The following ZBTB16 variants were observed in gnomAD, a reference collection of about 807,000 sequenced individuals.
The protein encoded by ZBTB16 is zinc finger and BTB domain-containing protein 16.
In ZBTB16, 8 loss-of-function variants were observed where a neutral mutation model predicts 56.8. The observed-to-expected ratio is 0.14, with a 90% CI of 0.08 to 0.25. ZBTB16 has a LOEUF of 0.25. ZBTB16 is among the 10% of genes least tolerant of loss of function. The pLI, the probability that ZBTB16 is intolerant of heterozygous loss-of-function variation, is 1.00. For missense variants in ZBTB16, 625 were observed against 903.0 expected (o/e 0.69, Z 3.95); for synonymous variants, 363 against 368.5 (o/e 0.98, Z 0.17).
At chr11:114,128,744 C>T (rs1213033913) in intron 2 of ZBTB16, among the ~76,000 whole-genome samples, 3 of 152,042 alleles carry the variant, frequency 2.0e-5, no homozygotes, top group Non-Finnish European at 4.4e-5. Flanking sequence ...CCATTGAAGG[C>T]CTGGGTGGTT....
rs1288560959 is a variant in ZBTB16 at position 114,254,876 on chromosome 11, A to G, written c.*4321A>G. On this transcript the variant is annotated 3_prime_UTR_variant, in exon 7 of 7. Coordinates refer to ENST00000335953, the MANE Select transcript of ZBTB16 (RefSeq NM_006006.6). ...CCAGGAGAGGGGTGCAGGACAAACC[A>G]GAGAGGTTGGGTCAGGGGAAAAGGG... 1.3e-5 allele frequency among the ~76,000 whole-genome samples: 2 copies of G among 152,104 alleles called. No individual in the cohort carries two copies. The highest frequency in any genetic ancestry group is 2.9e-5 in the Non-Finnish European group (2 of 68,014).
intron 2 of ZBTB16, among the ~76,000 whole-genome samples, chr11:114,111,072 A>C (rs1395787744): frequency 6.6e-6 from 1 of 152,186 alleles, no homozygotes; most frequent in East Asian, 1.9e-4. Flanking sequence ...GTCACAAAAC[A>C]TGAGCATGAT....
rs1472236327 is a variant in ZBTB16, at chr11:114,254,702, TC to T, written c.*4152del. On this transcript the variant is annotated 3_prime_UTR_variant, in exon 7 of 7. Transcript: ENST00000335953. ...CCTAGGCCCATCCTGTGGTCATCTT[TC>T]CCCCTCCCATCATACCTCCTCCTTC... 1.3e-5 allele frequency among the ~76,000 whole-genome samples: 2 copies of T among 152,158 alleles called. No individual in the cohort carries two copies. The highest frequency in any genetic ancestry group is 2.9e-5 in the Non-Finnish European group (2 of 68,026).
intron 4 of ZBTB16, among the ~76,000 whole-genome samples, chr11:114,210,193 G>GTGCGCA (rs368565657): frequency 1.6e-5 from 1 of 63,476 alleles, no homozygotes. Flanking sequence ...GTGTGTGTGT[G>GTGCGCA]CGTGCGCGCG....
intron 2 of ZBTB16, among the ~76,000 whole-genome samples, chr11:114,106,503 C>A (rs1390907246): frequency 6.8e-6 from 1 of 146,910 alleles, no homozygotes; most frequent in Non-Finnish European, 1.5e-5. Context: ...CAGAGTCTTG[C>A]TCTGGCACCC....
intron 2 of ZBTB16, among the ~76,000 whole-genome samples, chr11:114,106,052 T>C (rs767115552): frequency 3.3e-5 from 5 of 152,264 alleles, no homozygotes; most frequent in Non-Finnish European, 7.3e-5. Flanking sequence ...TATTGCATAA[T>C]GCTTTTCTAT....
intron 2 of ZBTB16, among the ~76,000 whole-genome samples, chr11:114,084,424 C>T (rs1939887941): frequency 6.6e-6 from 1 of 152,186 alleles, no homozygotes; most frequent in Non-Finnish European, 1.5e-5. Flanking sequence ...CTAGCTGTAA[C>T]TTAAAGCAAC....
intron 4 of ZBTB16, among the ~76,000 whole-genome samples, chr11:114,193,121 C>G (rs1943536403): frequency 6.6e-6 from 1 of 152,118 alleles, no homozygotes; most frequent in Admixed American, 6.5e-5. Flanking sequence ...TGTTTTTTCC[C>G]CAGAGATCTT....
At position 114,248,933 on chromosome 11, in the gene ZBTB16, C is replaced by T. The variant is rs180890602; in HGVS notation, c.1793-1393C>T. ...TCATTACTTCATTATTTGCTGGGGC[C>T]TGTGCGCGGGGGAGTATTGATAGCG... On this transcript the variant is annotated intron_variant, in intron 6 of 6. Transcript: ENST00000335953. Among the ~76,000 whole-genome samples the T allele has an allele frequency of 3.8e-3, 583 of 152,246 alleles. 4 individuals are homozygous for T. The highest frequency in any genetic ancestry group is 5.4e-3 in the Non-Finnish European group (370 of 68,024).
At chr11:114,203,142 G>A (rs1356699747) in intron 4 of ZBTB16, among the ~76,000 whole-genome samples, 2 of 152,112 alleles carry the variant, frequency 1.3e-5, no homozygotes, top group Non-Finnish European at 2.9e-5. Context: ...GTAAAATATT[G>A]ATGCATGTTA....
intron 2 of ZBTB16, among the ~76,000 whole-genome samples, chr11:114,135,336 C>T (rs184933863): frequency 2.2e-4 from 33 of 152,304 alleles, no homozygotes; most frequent in Admixed American, 4.6e-4. Flanking sequence ...TCATCCTAGT[C>T]TCTGTAACCC....
At position 114,060,598 on chromosome 11, in the gene ZBTB16, TC is replaced by T. The variant is rs1938790794; in HGVS notation, c.-91+717del. 9.0e-6 allele frequency: 1 copy of T among 110,564 alleles called. No homozygotes were observed. Among genetic ancestry groups the T allele is most frequent in the African/African-American group, 3.6e-5 (1 of 27,896 alleles). The allele number at this position is 110,564 out of a possible 1,614,324, so 6.8% of individuals were successfully genotyped here. A position where few individuals can be genotyped will look rare whatever the true frequency, so the allele number is the denominator to read the frequency against. On this transcript the variant is annotated intron_variant, in intron 1 of 6. Coordinates refer to ENST00000335953, the MANE Select transcript of ZBTB16 (RefSeq NM_006006.6). The surrounding 1 kb of genome is among the most constrained non-coding windows in gnomAD (Gnocchi z 6.0). ...CGGCCGCTCTCGGTGGGTGCCGGTC[TC>T]TGCACCTGATGCGTTCGGGATGCCT... is the stretch of plus-strand genomic sequence containing the variant.
At chr11:114,185,366 G>A (rs2135056251) in intron 3 of ZBTB16, among the ~76,000 whole-genome samples, 1 of 152,348 alleles carries the variant, frequency 6.6e-6, no homozygotes, top group Admixed American at 6.5e-5. Context: ...TGGAAGAATG[G>A]GACTGAGCAT....
intron 4 of ZBTB16, among the ~76,000 whole-genome samples, chr11:114,224,423 T>C (rs747424421): frequency 6.6e-6 from 1 of 152,224 alleles, no homozygotes; most frequent in Non-Finnish European, 1.5e-5. Context: ...TTTATTGTTA[T>C]CGTTAGGATA....
chr11:114,109,116 A>G (rs192297682), intron 2 of ZBTB16, among the ~76,000 whole-genome samples: 1 of 152,266 alleles, frequency 6.6e-6, no homozygotes, highest in Admixed American at 6.5e-5. Context: ...CAGGTGGAAG[A>G]AGGAGAGGAG....
chr11:114,138,842 C>G (rs1012675462), intron 2 of ZBTB16, among the ~76,000 whole-genome samples: 5 of 152,046 alleles, frequency 3.3e-5, no homozygotes, highest in African/African-American at 1.2e-4. Flanking sequence ...AGGCATGCAC[C>G]ACCATGCCCA....
At position 114,198,221 on chromosome 11, in the gene ZBTB16, G is replaced by C. The variant is rs193088704; in HGVS notation, c.1453+11183G>C. ...TATAGCATTTCACATTCTGTGCCAA[G>C]GAATTTAACATGAGAAAGCTCAGGC... On this transcript the variant is annotated intron_variant, in intron 4 of 6. Transcript: ENST00000335953. Among the ~76,000 whole-genome samples the C allele has an allele frequency of 5.3e-5, 8 of 152,270 alleles. No individual in the cohort carries two copies. In the East Asian group the frequency reaches 1.5e-3, roughly 29 times the overall value.
Position 114,255,125 on chromosome 11 carries a change from A to G in ZBTB16, c.*4570A>G, listed in dbSNP as rs888381207. Among the ~76,000 whole-genome samples, 5 of 152,168 alleles carry G rather than the reference A, an allele frequency of 3.3e-5. No homozygotes were observed. The highest frequency in any genetic ancestry group is 7.3e-5 in the Non-Finnish European group (5 of 68,034). On this transcript the variant is annotated 3_prime_UTR_variant, in exon 7 of 7. Transcript: ENST00000335953. ...TAAAGATAAATATATATATATATGTATGTAAATTATAGCACTGAGGGCCCT... is the reference window on the plus strand; with the variant it reads ...TAAAGATAAATATATATATATATGTGTGTAAATTATAGCACTGAGGGCCCT...
In ZBTB16 at chr11:114,064,427, C is replaced by T; in HGVS notation, c.1127C>T (p.Pro376Leu). 6.2e-7 allele frequency: 1 copy of T among 1,614,090 alleles called. No individual in the cohort carries two copies. Among genetic ancestry groups the T allele is most frequent in the South Asian group, 1.1e-5 (1 of 91,082 alleles). The change falls in exon 2 of 7, where the codon CCC becomes CTC. Residue 376 changes from proline to leucine, a missense_variant. By Grantham distance (98) the Pro-to-Leu change is moderately conservative (BLOSUM62 -3). This residue lies in a region of ZBTB16 where 384 missense variants were observed against 393.5 expected (regional missense o/e 0.98). Transcript: ENST00000335953. This position sits in a 1 kb window ranked among gnomAD's most constrained non-coding sequence, Gnocchi z 4.2. ...TTCAGCACCTATGGGGGGCTGCTGCCCCAGGGCTTCATCCAGAGGGAGCTG... is the reference window on the plus strand; with the variant it reads ...TTCAGCACCTATGGGGGGCTGCTGCTCCAGGGCTTCATCCAGAGGGAGCTG... Reference protein sequence around the residue: ...MDFSTYGGLLPQGFIQRELFS... With the variant: ...MDFSTYGGLLLQGFIQRELFS...
Sources: gnomAD v4.1 joint callset for allele counts (sites outside exome capture counted in the v4.1 genomes callset) on GRCh38, gnomAD v4.1.1 for gene constraint, gnomAD v4.1.1 regional missense constraint, Gnocchi (gnomAD v3.1) non-coding constraint, MANE v1.5 for transcripts, NCBI Gene and HGNC (gene_info 2026-07-23, HGNC 2026-07-21) for gene names.